The following JADE3 variants were observed in gnomAD, a reference collection of about 807,000 sequenced individuals.
JADE3 encodes jade family PHD finger 3.
Under a neutral mutation model 50.1 loss-of-function variants are expected in JADE3, and 2 were observed. That is an observed-to-expected ratio of 0.04 (90% confidence interval 0.02 to 0.13). JADE3 has a LOEUF of 0.13. JADE3 is among the 10% of genes least tolerant of loss of function. The pLI is 1.00. For synonymous variants in JADE3, 218 were observed against 232.9 expected, an observed-to-expected ratio of 0.94 and a Z score of 0.58; for missense variants, 475 against 634.4, an observed-to-expected ratio of 0.75 and a Z score of 2.70.
chrX:46,935,937 G>A (rs1181412562), intron 1 of JADE3, among the ~76,000 whole-genome samples: 2 of 96,168 alleles, frequency 2.1e-5, no homozygotes, highest in Non-Finnish European at 2.0e-5. Flanking sequence ...CTAAAGCCTC[G>A]ACCTCCTGAG....
At chrX:46,980,359 C>T (rs1556352741) in intron 1 of JADE3, among the ~76,000 whole-genome samples, 1 of 111,175 alleles carries the variant, frequency 9.0e-6, no homozygotes, top group East Asian at 2.8e-4. Context: ...TTTACATTCC[C>T]ACCAGCAATG....
intron 1 of JADE3, among the ~76,000 whole-genome samples, chrX:46,941,620 A>G (rs1392975738): frequency 1.8e-5 from 2 of 111,592 alleles, no homozygotes; most frequent in Non-Finnish European, 3.8e-5. Context: ...ATGGTATCTC[A>G]TTGTGGTTTT....
intron 1 of JADE3, among the ~76,000 whole-genome samples, chrX:46,949,286 G>A (rs1412145605): frequency 2.7e-5 from 3 of 111,266 alleles, no homozygotes; most frequent in African/African-American, 9.8e-5. Context: ...TTCTAGCTTG[G>A]GGCTGTTACA....
intron 7 of JADE3, among the ~76,000 whole-genome samples, chrX:47,037,677 T>C (rs962861476): frequency 8.9e-6 from 1 of 112,141 alleles, no homozygotes; most frequent in African/African-American, 3.2e-5. Flanking sequence ...TGTATATATT[T>C]ACGGGATGCA....
intron 1 of JADE3, among the ~76,000 whole-genome samples, chrX:46,944,508 A>G (rs1926838487): frequency 1.8e-5 from 2 of 110,047 alleles, no homozygotes; most frequent in Admixed American, 1.9e-4. Context: ...GGGTTTCACC[A>G]TATTGTCCAG....
chrX:46,985,809 A>C lies in JADE3; in HGVS notation c.126+17A>C. 2.7e-6 allele frequency: 3 copies of C among 1,092,815 alleles called. No homozygotes were observed. The highest frequency in any genetic ancestry group is 2.5e-6 in the Non-Finnish European group (2 of 789,789). The allele number at this position is 1,092,815 out of a possible 1,213,427, so 90.1% of individuals were successfully genotyped here. On this transcript the variant is annotated intron_variant, in intron 3 of 10. Coordinates refer to ENST00000614628, the MANE Select transcript of JADE3 (RefSeq NM_014735.5). ...CCTGCTGAGGTGAGATCGTATTCTC[A>C]ATTTTTAGACTTAAGCTATAGTTTG... is the stretch of plus-strand genomic sequence containing the variant.
Position 47,058,816 on chromosome X carries a change from C to G in JADE3, c.2211C>G (p.Thr737=), listed in dbSNP as rs1929695653. The part of the protein sequence containing the change: ...TEDLQCYVKP[T]KNMSPKEQFW... ...ACCTCCAGTGCTATGTGAAGCCAAC[C>G]AAGAATATGAGCCCCAAGGAGCAGT... The change falls in exon 11 of 11, where the codon ACC becomes ACG. Residue 737 remains threonine, a synonymous_variant. Coordinates refer to ENST00000614628, the MANE Select transcript of JADE3 (RefSeq NM_014735.5). 1 of 1,208,129 alleles carries G rather than the reference C, an allele frequency of 8.3e-7. No individual in the cohort carries two copies. Among genetic ancestry groups the G allele is most frequent in the Admixed American group, 2.2e-5 (1 of 45,632 alleles).
intron 1 of JADE3, among the ~76,000 whole-genome samples, chrX:46,960,313 C>T (rs950028198): frequency 3.6e-5 from 4 of 111,379 alleles, no homozygotes; most frequent in Non-Finnish European, 7.5e-5. Flanking sequence ...TCTGGGCTGG[C>T]GAATAAGAAC....
At chrX:47,036,492 C>T (rs1472328793) in intron 7 of JADE3, among the ~76,000 whole-genome samples, 1 of 108,147 alleles carries the variant, frequency 9.2e-6, no homozygotes, top group Non-Finnish European at 1.9e-5. Flanking sequence ...GAAATAGGAA[C>T]ACTTTTACAC....
chrX:46,951,702 A>T (rs914660755), intron 1 of JADE3, among the ~76,000 whole-genome samples: 78 of 103,225 alleles, frequency 7.6e-4, no homozygotes, highest in Non-Finnish European at 1.4e-3. Flanking sequence ...AGGCTTTGTT[A>T]TTTTTTTTTT....
intron 8 of JADE3, among the ~76,000 whole-genome samples, chrX:47,043,059 C>CT (rs1402881738): frequency 8.9e-6 from 1 of 111,744 alleles, no homozygotes; most frequent in Non-Finnish European, 1.9e-5. Flanking sequence ...GAATCTCTGC[C>CT]TGTTAATCCA....
chrX:47,032,078 C>T (rs939330518), intron 6 of JADE3, among the ~76,000 whole-genome samples: 1 of 110,620 alleles, frequency 9.0e-6, no homozygotes, highest in Non-Finnish European at 1.9e-5. Context: ...CCATGTAGAG[C>T]AGGGAAGCTG....
At chrX:47,042,879 C>A (rs969579090) in intron 8 of JADE3, among the ~76,000 whole-genome samples, 26 of 111,633 alleles carry the variant, frequency 2.3e-4, no homozygotes, top group African/African-American at 8.5e-4. Flanking sequence ...AGGCAGTGAT[C>A]ACTGCAGGCC....
At chrX:46,920,210 G>A (rs1926191459) in intron 1 of JADE3, among the ~76,000 whole-genome samples, 1 of 112,099 alleles carries the variant, frequency 8.9e-6, no homozygotes, top group Admixed American at 9.4e-5. Flanking sequence ...CCTGATCAGA[G>A]CTATTCCTGT....
At position 47,024,807 on chromosome X, in the gene JADE3, C is replaced by T; in HGVS notation, c.368C>T (p.Pro123Leu). The change falls in exon 5 of 11, where the codon CCT (proline) becomes CTT (leucine). Residue 123 changes from proline to leucine, a missense_variant. Coordinates refer to ENST00000614628, the MANE Select transcript of JADE3 (RefSeq NM_014735.5). ...IHCSSPDTTE[P>L]GYINIMELAA... is the part of the protein sequence containing the mutation. ...TGCTCCAGCCCAGACACCACAGAGC[C>T]TGGCTACATCAACATCATGGAGTTG... The T allele has an allele frequency of 8.4e-7, 1 of 1,194,480 alleles. No individual in the cohort carries two copies. Among genetic ancestry groups the T allele is most frequent in the Non-Finnish European group, 1.1e-6 (1 of 879,768 alleles).
chrX:46,917,435 C>CA (rs1419648238), intron 1 of JADE3, among the ~76,000 whole-genome samples: 1 of 110,791 alleles, frequency 9.0e-6, no homozygotes, highest in Non-Finnish European at 1.9e-5. Flanking sequence ...GTGTGAGACT[C>CA]AGAAAGGTGA....
intron 1 of JADE3, among the ~76,000 whole-genome samples, chrX:46,945,759 A>T (rs368191917): frequency 1.8e-5 from 2 of 111,811 alleles, no homozygotes; most frequent in South Asian, 3.8e-4. Context: ...ACACAGTTTT[A>T]TGAATTACTG....
intron 6 of JADE3, among the ~76,000 whole-genome samples, chrX:47,029,166 T>C (rs1288903128): frequency 9.0e-6 from 1 of 111,690 alleles, no homozygotes; most frequent in African/African-American, 3.3e-5. Flanking sequence ...TAGCATCATA[T>C]GCCAAGTGTT....
At chrX:47,001,546 G>A (rs2044588187) in intron 4 of JADE3, among the ~76,000 whole-genome samples, 1 of 111,572 alleles carries the variant, frequency 9.0e-6, no homozygotes, top group Non-Finnish European at 1.9e-5. Flanking sequence ...CCTAAACTTT[G>A]TTTGGAGTAC....
Sources: gnomAD v4.1 joint callset for allele counts (sites outside exome capture counted in the v4.1 genomes callset) on GRCh38, gnomAD v4.1.1 for gene constraint, MANE v1.5 for transcripts, NCBI Gene and HGNC (gene_info 2026-07-23, HGNC 2026-07-21) for gene names.